Variants in GRID2 observed in about 807,000 individuals in gnomAD.
The protein encoded by GRID2 is glutamate ionotropic receptor delta type subunit 2.
A neutral mutation model predicts 114.8 loss-of-function variants in GRID2; 33 were observed. That is an observed-to-expected ratio of 0.29 (90% CI 0.22 to 0.38). The LOEUF is 0.38. Ranked by LOEUF, GRID2 falls within the 10% of genes least tolerant of loss-of-function variation. The probability of loss-of-function intolerance (pLI) is 1.00; values close to 1 mark genes in which losing one functional copy is unlikely to be tolerated. For missense variants in GRID2, 1,184 were observed against 1,257.7 expected, an observed-to-expected ratio of 0.94 and a Z score of 0.89; for synonymous variants, 505 against 449.9, an observed-to-expected ratio of 1.12 and a Z score of -1.55.
At chr4:92,612,311 T>C (rs1014276883) in intron 2 of GRID2, among the ~76,000 whole-genome samples, 1 of 151,486 alleles carries the variant, frequency 6.6e-6, no homozygotes, top group African/African-American at 2.4e-5. Context: ...GTGTCTTCCA[T>C]TGATCTAAAT....
At chr4:92,600,462 A>C (rs1729171745) in intron 2 of GRID2, among the ~76,000 whole-genome samples, 1 of 152,080 alleles carries the variant, frequency 6.6e-6, no homozygotes, top group African/African-American at 2.4e-5. Flanking sequence ...TTGTTCAGTA[A>C]GCTTTAGTGT....
At chr4:92,849,867 A>G (rs1252392926) in intron 2 of GRID2, among the ~76,000 whole-genome samples, 1 of 151,780 alleles carries the variant, frequency 6.6e-6, no homozygotes, top group African/African-American at 2.4e-5. Context: ...AATGATTGAA[A>G]TTTCCAGAAA....
chr4:92,661,307 A>T lies in GRID2; in HGVS notation c.244+71021A>T, dbSNP rs1732503957. Among the ~76,000 whole-genome samples, 3 of 151,026 alleles carry T rather than the reference A, an allele frequency of 2.0e-5. No homozygotes were observed. In the Admixed American group the frequency reaches 2.0e-4, roughly 10 times the overall value. On this transcript the variant is annotated intron_variant, in intron 2 of 15. Coordinates refer to ENST00000282020, the MANE Select transcript of GRID2 (RefSeq NM_001510.4). ...AACATTAAAAAGTCACCCTGTTTAAAAGTATCAAAAAATCTAACATCTAAT... is the reference window on the plus strand; with the variant it reads ...AACATTAAAAAGTCACCCTGTTTAATAGTATCAAAAAATCTAACATCTAAT...
intron 1 of GRID2, among the ~76,000 whole-genome samples, chr4:92,500,396 A>C (rs779358079): frequency 9.2e-5 from 14 of 152,076 alleles, no homozygotes; most frequent in South Asian, 2.1e-4. Flanking sequence ...TTAAAAAAAA[A>C]CATATTTTTA....
At chr4:92,323,637 A>G (rs1487534139) in intron 1 of GRID2, among the ~76,000 whole-genome samples, 2 of 151,910 alleles carry the variant, frequency 1.3e-5, no homozygotes, top group African/African-American at 2.4e-5. Flanking sequence ...ATCACTTTCT[A>G]TGTTTTCCAC....
intron 2 of GRID2, among the ~76,000 whole-genome samples, chr4:93,039,725 G>C (rs1725307441): frequency 6.6e-6 from 1 of 152,084 alleles, no homozygotes; most frequent in Non-Finnish European, 1.5e-5. Context: ...GCAGTCTACA[G>C]CTAAACTCAA....
At position 92,321,163 on chromosome 4, in the gene GRID2, G is replaced by A. The variant is rs533045961; in HGVS notation, c.88+16419G>A. Among the ~76,000 whole-genome samples, 56 of 152,252 alleles carry A rather than the reference G, an allele frequency of 3.7e-4. No homozygotes were observed. The South Asian group carries it at 5.6e-3, about 15-fold the overall frequency. ...GAAAGGAAACTTGTGCTCCAAGGAT[G>A]GCAGAAGTAAAGCCTGAAGTGGGAC... On this transcript the variant is annotated intron_variant, in intron 1 of 15. Transcript: ENST00000282020.
intron 2 of GRID2, among the ~76,000 whole-genome samples, chr4:93,018,609 A>G (rs1191330245): frequency 6.6e-6 from 1 of 152,180 alleles, no homozygotes; most frequent in African/African-American, 2.4e-5. Context: ...ACAATTCACC[A>G]GGTCTTCACA....
intron 8 of GRID2, among the ~76,000 whole-genome samples, chr4:93,363,817 A>C (rs1228673065): frequency 6.6e-6 from 1 of 151,902 alleles, no homozygotes; most frequent in Non-Finnish European, 1.5e-5. Flanking sequence ...AACTATCATA[A>C]GAGAAAATAT....
chr4:92,743,928 G>A (rs1349421672), intron 2 of GRID2, among the ~76,000 whole-genome samples: 1 of 152,160 alleles, frequency 6.6e-6, no homozygotes. Context: ...GAGGAATTCA[G>A]GTTTCTTAAG....
At chr4:92,735,017 A>T (rs1298497941) in intron 2 of GRID2, among the ~76,000 whole-genome samples, 2 of 151,752 alleles carry the variant, frequency 1.3e-5, no homozygotes, top group African/African-American at 2.4e-5. Flanking sequence ...GGGCTCAAGC[A>T]ATCCACCTTC....
At chr4:92,472,968 AT>A (rs1240705908) in intron 1 of GRID2, among the ~76,000 whole-genome samples, 7 of 151,948 alleles carry the variant, frequency 4.6e-5, no homozygotes, top group Non-Finnish European at 8.8e-5. Flanking sequence ...TGTCTATAAA[AT>A]TTTTACCTAT....
At chr4:93,175,974 C>CT (rs1739314582) in intron 4 of GRID2, among the ~76,000 whole-genome samples, 1 of 152,068 alleles carries the variant, frequency 6.6e-6, no homozygotes, top group Admixed American at 6.6e-5. Flanking sequence ...AATCTTGAGG[C>CT]TTTAACTTTG....
rs200285077 is a variant in GRID2 at position 93,455,573 on chromosome 4, A to AT, written c.1546-80dup. On this transcript the variant is annotated intron_variant, in intron 10 of 15. Coordinates refer to ENST00000282020, the MANE Select transcript of GRID2 (RefSeq NM_001510.4). ...AAGATTTATATTGCCTGAGGCATCT[A>AT]TTTTTTTTTCCTCGAGGCAAGCTGA... The AT allele has an allele frequency of 1.5e-3, 1,161 of 758,566 alleles. 10 individuals are homozygous for AT. The highest frequency in any genetic ancestry group is 0.014 in the East Asian group (534 of 38,780). 47.0% of individuals were successfully genotyped at this position (758,566 alleles called of 1,614,324 possible). A position where few individuals can be genotyped will look rare whatever the true frequency, so the allele number is the denominator to read the frequency against.
chr4:92,782,885 T>G (rs529601759), intron 2 of GRID2, among the ~76,000 whole-genome samples: 3 of 152,148 alleles, frequency 2.0e-5, no homozygotes, highest in African/African-American at 7.2e-5. Flanking sequence ...GTGAGGCTAC[T>G]TAAGGAAATT....
At chr4:93,679,636 G>A (rs1202717915) in intron 14 of GRID2, among the ~76,000 whole-genome samples, 4 of 150,710 alleles carry the variant, frequency 2.7e-5, no homozygotes, top group Non-Finnish European at 4.4e-5. Flanking sequence ...ACTCAAAACC[G>A]CTCAACTACA....
rs138207176 is a variant in GRID2 at position 92,924,459 on chromosome 4, G to T, written c.245-160536G>T. On this transcript the variant is annotated intron_variant, in intron 2 of 15. Transcript: ENST00000282020. ...GTGAGGGTCTGCTGATTTTTCCATG[G>T]ATGTGTAAGAAATCGTCACCATTTC... is the stretch of plus-strand genomic sequence containing the variant. 2.6e-3 allele frequency among the ~76,000 whole-genome samples: 395 copies of T among 151,772 alleles called. 5 individuals are homozygous for T. Among genetic ancestry groups the T allele is most frequent in the African/African-American group, 9.2e-3 (383 of 41,420 alleles).
chr4:92,550,958 C>T (rs891859641), intron 1 of GRID2, among the ~76,000 whole-genome samples: 1 of 152,160 alleles, frequency 6.6e-6, no homozygotes, highest in South Asian at 2.1e-4. Context: ...ATTGTTTCTC[C>T]ATAAACAATT....
intron 1 of GRID2, among the ~76,000 whole-genome samples, chr4:92,342,907 C>T (rs1560576945): frequency 6.6e-6 from 1 of 152,052 alleles, no homozygotes; most frequent in Non-Finnish European, 1.5e-5. Flanking sequence ...GGATCTCGGT[C>T]CCGTGTGTTC....
Sources: gnomAD v4.1 joint callset for allele counts (sites outside exome capture counted in the v4.1 genomes callset) on GRCh38, gnomAD v4.1.1 for gene constraint, MANE v1.5 for transcripts, NCBI Gene and HGNC (gene_info 2026-07-23, HGNC 2026-07-21) for gene names.